The following MAP2K5 variants were observed in gnomAD, a reference collection of about 807,000 sequenced individuals.
MAP2K5 encodes the protein mitogen-activated protein kinase kinase 5.
MAP2K5 carries 49 observed loss-of-function variants against 83.1 expected under a neutral mutation model. The ratio of observed to expected loss-of-function variants is 0.59; its 90% CI spans 0.47 to 0.75. The LOEUF (loss-of-function observed/expected upper bound fraction) is 0.75, where lower values mean the gene tolerates loss of function less well. Among genes scored for constraint, MAP2K5 ranks in the 30% least tolerant of loss-of-function variants. The probability of loss-of-function intolerance (pLI) is 0.00; values close to 1 mark genes in which losing one functional copy is unlikely to be tolerated. For synonymous variants in MAP2K5, 202 were observed against 191.8 expected, an observed-to-expected ratio of 1.05 and a Z score of -0.44; for missense variants, 457 against 557.5, an observed-to-expected ratio of 0.82 and a Z score of 1.82.
chr15:67,685,978 T>C (rs2087941749), intron 13 of MAP2K5, among the ~76,000 whole-genome samples: 1 of 152,204 alleles, frequency 6.6e-6, no homozygotes. Flanking sequence ...GATATCCACT[T>C]ATGACTCTTT....
In MAP2K5 at chr15:67,758,827, C is replaced by T. The variant is rs1191949785; in HGVS notation, c.1134+10226C>T. 4.6e-5 allele frequency among the ~76,000 whole-genome samples: 7 copies of T among 152,194 alleles called. No individual in the cohort carries two copies. The highest frequency in any genetic ancestry group is 7.3e-5 in the Non-Finnish European group (5 of 68,028). On this transcript the variant is annotated intron_variant, in intron 19 of 21. Transcript: ENST00000178640. The surrounding 1 kb of genome is among the most constrained non-coding windows in gnomAD (Gnocchi z 4.7). Reference sequence around the variant, plus strand: ...GACAATCAAAGGGTAAGGTTCCTTACATTATACTATCACTGATTTGAAGAA... The same window carrying T: ...GACAATCAAAGGGTAAGGTTCCTTATATTATACTATCACTGATTTGAAGAA...
chr15:67,798,547 C>T (rs1263271875), intron 21 of MAP2K5, among the ~76,000 whole-genome samples: 2 of 152,182 alleles, frequency 1.3e-5, no homozygotes, highest in Non-Finnish European at 2.9e-5. Context: ...TCACAGACAC[C>T]TCTGGAAACA....
At chr15:67,549,567 A>C (rs1408853860) in intron 1 of MAP2K5, among the ~76,000 whole-genome samples, 2 of 152,182 alleles carry the variant, frequency 1.3e-5, no homozygotes, top group African/African-American at 4.8e-5. Context: ...TATTAGATTA[A>C]TTTTTAAGCT....
At chr15:67,694,223 GT>G (rs2088187933) in intron 15 of MAP2K5, among the ~76,000 whole-genome samples, 1 of 151,846 alleles carries the variant, frequency 6.6e-6, no homozygotes, top group African/African-American at 2.4e-5. Context: ...TAGTTTATGG[GT>G]TTTCATAATC....
At position 67,573,203 on chromosome 15, in the gene MAP2K5, G is replaced by A. The variant is rs908691289; in HGVS notation, c.253-7551G>A. 6.6e-6 allele frequency among the ~76,000 whole-genome samples: 1 copy of A among 152,070 alleles called. No individual in the cohort carries two copies. Among genetic ancestry groups the A allele is most frequent in the Non-Finnish European group, 1.5e-5 (1 of 68,004 alleles). ...ATTTTTCCTAGCCCTCACTCAAGAT[G>A]GAGTTGCTCTGGTTCAAATGCCTCT... is the stretch of plus-strand genomic sequence containing the variant. On this transcript the variant is annotated intron_variant, in intron 3 of 21. Coordinates refer to ENST00000178640, the MANE Select transcript of MAP2K5 (RefSeq NM_145160.3). This position sits in a 1 kb window ranked among gnomAD's most constrained non-coding sequence, Gnocchi z 4.2.
chr15:67,748,005 A>G lies in MAP2K5; in HGVS notation c.1075-226A>G, dbSNP rs1055303655. Among the ~76,000 whole-genome samples the G allele has an allele frequency of 2.0e-5, 3 of 152,192 alleles. No individual in the cohort carries two copies. Among genetic ancestry groups the G allele is most frequent in the African/African-American group, 7.2e-5 (3 of 41,438 alleles). On this transcript the variant is annotated intron_variant, in intron 17 of 21. Coordinates refer to ENST00000178640, the MANE Select transcript of MAP2K5 (RefSeq NM_145160.3). The surrounding 1 kb of genome is among the most constrained non-coding windows in gnomAD (Gnocchi z 4.0). ...TGGTTTTTCTCCCTATTCTAATACA[A>G]CCTGGAGGGTACTAAAAAGTGTTGT...
At chr15:67,762,887 G>A (rs1216269889) in intron 19 of MAP2K5, among the ~76,000 whole-genome samples, 1 of 152,090 alleles carries the variant, frequency 6.6e-6, no homozygotes, top group Non-Finnish European at 1.5e-5. Flanking sequence ...CCTTTACCCC[G>A]TGGTTCCAGG....
At position 67,714,413 on chromosome 15, in the gene MAP2K5, G is replaced by GAAAAAAAAAAAAAAAAAAAAA. The variant is rs2088777375; in HGVS notation, c.1044+11005_1044+11006insAAAAAAAAAAAAAAAAAAAAA. On this transcript the variant is annotated intron_variant, in intron 16 of 21. Transcript: ENST00000178640. Reference sequence around the variant, plus strand: ...CCCCCCACCCCTACCCAGCTGCCAGGGAAAAAAAAAAAAAAAAAAAAAAAA... The same window carrying GAAAAAAAAAAAAAAAAAAAAA: ...CCCCCCACCCCTACCCAGCTGCCAGGAAAAAAAAAAAAAAAAAAAAAGAAAAAAAAAAAAAAAAAAAAAAAA... Among the ~76,000 whole-genome samples the GAAAAAAAAAAAAAAAAAAAAA allele has an allele frequency of 4.7e-5, 2 of 42,692 alleles. 1 individual carries two copies. Among genetic ancestry groups the GAAAAAAAAAAAAAAAAAAAAA allele is most frequent in the African/African-American group, 1.6e-4 (2 of 12,744 alleles). The allele number at this position is 42,692 out of a possible 152,430, so 28.0% of individuals were successfully genotyped here. A position where few individuals can be genotyped will look rare whatever the true frequency, so the allele number is the denominator to read the frequency against.
intron 17 of MAP2K5, among the ~76,000 whole-genome samples, chr15:67,728,942 A>G (rs9302246): frequency 0.37 from 56,250 of 152,124 alleles, 12,008 homozygotes; most frequent in Non-Finnish European, 0.5. Context: ...ACTCAATGAA[A>G]TGTCTCTTTC....
chr15:67,629,776 AACTT>A (rs527500317), intron 8 of MAP2K5, among the ~76,000 whole-genome samples: 20 of 152,246 alleles, frequency 1.3e-4, no homozygotes, highest in Admixed American at 8.5e-4. Flanking sequence ...AGTTCTTCGA[AACTT>A]ACTTACTTCC....
rs1490210690 is a variant in MAP2K5, at chr15:67,592,936, T to C, written c.442T>C (p.Ser148Pro). ...DSLPSNSLKK[S>P]SAELKKILAN... ...ATCTTTCCTTTTCAGCTTAAAGAAG[T>C]CTTCTGCTGAACTGAAAAAAATACT... The change falls in exon 7 of 22, where the codon TCT (serine) becomes CCT (proline). Residue 148 changes from serine (S) to proline (P), a missense_variant. Transcript: ENST00000178640. The C allele has an allele frequency of 3.7e-6, 6 of 1,608,684 alleles. No individual in the cohort carries two copies. The African/African-American group carries it at 4.0e-5, about 11-fold the overall frequency.
At position 67,801,799 on chromosome 15, in the gene MAP2K5, A is replaced by G. The variant is rs1334296298; in HGVS notation, c.1243-4847A>G. 6.6e-6 allele frequency among the ~76,000 whole-genome samples: 1 copy of G among 152,220 alleles called. No individual in the cohort carries two copies. Among genetic ancestry groups the G allele is most frequent in the African/African-American group, 2.4e-5 (1 of 41,456 alleles). On this transcript the variant is annotated intron_variant, in intron 21 of 21. Coordinates refer to ENST00000178640, the MANE Select transcript of MAP2K5 (RefSeq NM_145160.3). The surrounding 1 kb of genome is among the most constrained non-coding windows in gnomAD (Gnocchi z 4.8). ...AGTCACCTTTTCATGAGGGCCTACC[A>G]CATGCAGGCATTGCACCAGGCCCTG...
chr15:67,697,041 T>C (rs1339200409), intron 15 of MAP2K5, among the ~76,000 whole-genome samples: 1 of 152,122 alleles, frequency 6.6e-6, no homozygotes, highest in African/African-American at 2.4e-5. Flanking sequence ...TCAAACAGTA[T>C]GTGAAAAGGA....
chr15:67,781,753 A>C lies in MAP2K5; in HGVS notation c.1242+9001A>C, dbSNP rs1003529324. Among the ~76,000 whole-genome samples, 6 of 151,546 alleles carry C rather than the reference A, an allele frequency of 4.0e-5. No homozygotes were observed. Among genetic ancestry groups the C allele is most frequent in the Non-Finnish European group, 8.8e-5 (6 of 68,026 alleles). On this transcript the variant is annotated intron_variant, in intron 21 of 21. Transcript: ENST00000178640. The surrounding 1 kb of genome is among the most constrained non-coding windows in gnomAD (Gnocchi z 4.0). The stretch of plus-strand genomic sequence containing the variant: ...TTCAAATGTAACCCGATTGACTCTT[A>C]ATTGTTAGCCTGTGTGTGTCTTAGC...
In MAP2K5 at chr15:67,698,507, A is replaced by G. The variant is rs1376112400; in HGVS notation, c.973-4830A>G. ...GCTCAGCCCAGAAATTCTAATTACTAAAAATTTTATTATGTTTTTAAGATA... is the reference window on the plus strand; with the variant it reads ...GCTCAGCCCAGAAATTCTAATTACTGAAAATTTTATTATGTTTTTAAGATA... On this transcript the variant is annotated intron_variant, in intron 15 of 21. Coordinates refer to ENST00000178640, the MANE Select transcript of MAP2K5 (RefSeq NM_145160.3). This position sits in a 1 kb window ranked among gnomAD's most constrained non-coding sequence, Gnocchi z 4.5. Among the ~76,000 whole-genome samples the G allele has an allele frequency of 2.0e-5, 3 of 152,154 alleles. No individual in the cohort carries two copies. The highest frequency in any genetic ancestry group is 6.5e-5 in the Admixed American group (1 of 15,270).
At chr15:67,728,014 A>C (rs1048717927) in intron 17 of MAP2K5, 69 bp downstream of exon 17, 1 of 1,263,664 alleles carries the variant, frequency 7.9e-7, no homozygotes. Context: ...GCAGGGAGCA[A>C]TTGTGAACAT....
chr15:67,740,724 G>A (rs572404433), intron 17 of MAP2K5, among the ~76,000 whole-genome samples: 1 of 152,170 alleles, frequency 6.6e-6, no homozygotes, highest in East Asian at 1.9e-4. Context: ...GTGTGATAAG[G>A]CTATCAGAAA....
At chr15:67,554,082 T>C (rs1271506964) in intron 2 of MAP2K5, among the ~76,000 whole-genome samples, 1 of 152,118 alleles carries the variant, frequency 6.6e-6, no homozygotes. Flanking sequence ...TTTTTTGAAA[T>C]GGTCTGGCTC....
At position 67,779,365 on chromosome 15, in the gene MAP2K5, G is replaced by A. The variant is rs1385847756; in HGVS notation, c.1242+6613G>A. On this transcript the variant is annotated intron_variant, in intron 21 of 21. Transcript: ENST00000178640. The surrounding 1 kb of genome is among the most constrained non-coding windows in gnomAD (Gnocchi z 4.6). The stretch of plus-strand genomic sequence containing the variant: ...GGATACTTGAGATCGCACTAAATCA[G>A]ACAGCTTTAATTTGAATTTTTGATG... 6.6e-6 allele frequency among the ~76,000 whole-genome samples: 1 copy of A among 152,204 alleles called. No homozygotes were observed. The highest frequency in any genetic ancestry group is 2.4e-5 in the African/African-American group (1 of 41,442).
Sources: allele counts gnomAD v4.1 joint callset (sites outside exome capture counted in the v4.1 genomes callset), GRCh38; gene constraint gnomAD v4.1.1; non-coding constraint Gnocchi (gnomAD v3.1); transcripts MANE v1.5; gene names NCBI Gene and HGNC (gene_info 2026-07-23, HGNC 2026-07-21).